The following DISC1 variants were observed in gnomAD, a reference collection of about 807,000 sequenced individuals.
DISC1 encodes DISC1 scaffold protein.
In DISC1, 57 loss-of-function variants were observed where a neutral mutation model predicts 84.5. The ratio of observed to expected loss-of-function variants is 0.67; its 90% CI spans 0.55 to 0.84. The LOEUF (loss-of-function observed/expected upper bound fraction) is 0.84. Among genes scored for constraint, DISC1 ranks in the 40% least tolerant of loss-of-function variants. DISC1 has a pLI of 0.00. For synonymous variants in DISC1, 411 were observed against 415.2 expected, an observed-to-expected ratio of 0.99 and a Z score of 0.12; for missense variants, 1,000 against 1,057.8, an observed-to-expected ratio of 0.95 and a Z score of 0.76.
chr1:231,932,745 C>T (rs541226595), intron 9 of DISC1, among the ~76,000 whole-genome samples: 3 of 152,148 alleles, frequency 2.0e-5, no homozygotes, highest in Non-Finnish European at 4.4e-5. Context: ...CTCTTCTAAG[C>T]TCAGTGGGTG....
chr1:232,014,190 G>T (rs920926380), intron 11 of DISC1, among the ~76,000 whole-genome samples: 1 of 152,142 alleles, frequency 6.6e-6, no homozygotes, highest in Non-Finnish European at 1.5e-5. Flanking sequence ...GGGCAAAAGT[G>T]CTTCCTCTTC....
At chr1:231,883,444 GA>G (rs765648840) in intron 9 of DISC1, among the ~76,000 whole-genome samples, 4 of 152,134 alleles carry the variant, frequency 2.6e-5, no homozygotes, top group Non-Finnish European at 5.9e-5. Flanking sequence ...AGGGACTTGT[GA>G]TGAGGTTGGT....
At chr1:231,658,379 C>A (rs1360927944) in intron 1 of DISC1, among the ~76,000 whole-genome samples, 1 of 152,158 alleles carries the variant, frequency 6.6e-6, no homozygotes, top group Non-Finnish European at 1.5e-5. Context: ...AGCTTTTGGG[C>A]TGAGATGATG....
intron 3 of DISC1, among the ~76,000 whole-genome samples, chr1:231,715,065 C>G (rs2068500138): frequency 6.6e-6 from 1 of 152,174 alleles, no homozygotes; most frequent in African/African-American, 2.4e-5. Context: ...CCTCTTGGAT[C>G]CAGTATGAAA....
chr1:231,740,872 A>G (rs1558459975), intron 3 of DISC1, among the ~76,000 whole-genome samples: 1 of 152,216 alleles, frequency 6.6e-6, no homozygotes, highest in East Asian at 1.9e-4. Flanking sequence ...TCAGATGTGC[A>G]GTTTTCTACT....
At chr1:231,775,619 C>G (rs987302022) in intron 6 of DISC1, among the ~76,000 whole-genome samples, 1 of 152,096 alleles carries the variant, frequency 6.6e-6, no homozygotes, top group Non-Finnish European at 1.5e-5. Context: ...AAAGGAGAAC[C>G]CTTTTTAAGC....
chr1:231,875,390 A>G (rs938924311), intron 9 of DISC1, among the ~76,000 whole-genome samples: 3 of 152,134 alleles, frequency 2.0e-5, no homozygotes, highest in African/African-American at 7.2e-5. Context: ...TTAGACAGCC[A>G]GGGGCTCCTC....
At position 231,784,386 on chromosome 1, in the gene DISC1, G is replaced by A. The variant is rs545107636; in HGVS notation, c.1635-10856G>A. On this transcript the variant is annotated intron_variant, in intron 6 of 12. Coordinates refer to ENST00000439617, the MANE Select transcript of DISC1 (RefSeq NM_018662.3). ...TCCTAGTGGAAGACACAGTATCCTTGAAATTCAGAGAAATAGGGAGAATGT... is the reference window on the plus strand; with the variant it reads ...TCCTAGTGGAAGACACAGTATCCTTAAAATTCAGAGAAATAGGGAGAATGT... Among the ~76,000 whole-genome samples the A allele has an allele frequency of 7.2e-5, 11 of 152,288 alleles. No individual in the cohort carries two copies. In the South Asian group the frequency reaches 1.7e-3, roughly 23 times the overall value.
chr1:231,979,156 C>T lies in DISC1; in HGVS notation c.2042+20268C>T, dbSNP rs564876660. ...TGCCTGACGATCTGTCACTGTCTCC[C>T]ATCACCCCCAGATGGGACCATCTAG... On this transcript the variant is annotated intron_variant, in intron 10 of 12. Coordinates refer to ENST00000439617, the MANE Select transcript of DISC1 (RefSeq NM_018662.3). 4.6e-5 allele frequency among the ~76,000 whole-genome samples: 7 copies of T among 152,010 alleles called. No individual in the cohort carries two copies. The South Asian group carries it at 1.5e-3, about 32-fold the overall frequency.
At chr1:231,804,333 T>C (rs796176425) in intron 8 of DISC1, among the ~76,000 whole-genome samples, 7 of 152,262 alleles carry the variant, frequency 4.6e-5, no homozygotes, top group African/African-American at 1.7e-4. Flanking sequence ...AGAGAGCTTT[T>C]CAGTCAGAGG....
intron 10 of DISC1, among the ~76,000 whole-genome samples, chr1:231,997,624 A>G (rs531200557): frequency 7.2e-5 from 11 of 152,076 alleles, no homozygotes; most frequent in Non-Finnish European, 1.3e-4. Flanking sequence ...GCAGAGGAGC[A>G]CTGCCTGGGA....
chr1:231,818,651 G>C, intron 9 of DISC1, 134 bp downstream of exon 9: 4 of 1,457,288 alleles, frequency 2.7e-6, no homozygotes, highest in Non-Finnish European at 3.6e-6. Flanking sequence ...CTTTTCCTTG[G>C]GGACATTTTT....
intron 9 of DISC1, among the ~76,000 whole-genome samples, chr1:231,956,212 G>T (rs1361154904): frequency 6.6e-6 from 1 of 152,192 alleles, no homozygotes. Context: ...TTTCTACACA[G>T]CTGTCCATTT....
intron 6 of DISC1, among the ~76,000 whole-genome samples, chr1:231,784,888 G>C (rs1222898335): frequency 6.6e-6 from 1 of 152,168 alleles, no homozygotes; most frequent in Non-Finnish European, 1.5e-5. Context: ...CAGAAGTAAA[G>C]GTCTCAGATA....
intron 9 of DISC1, among the ~76,000 whole-genome samples, chr1:231,849,270 G>A (rs12751905): frequency 0.018 from 2,717 of 152,094 alleles, 34 homozygotes; most frequent in Non-Finnish European, 0.029. Context: ...ATAGGGATGC[G>A]CCACCACGCT....
At chr1:231,948,250 A>G (rs967943299) in intron 9 of DISC1, among the ~76,000 whole-genome samples, 15 of 152,196 alleles carry the variant, frequency 9.9e-5, no homozygotes, top group African/African-American at 3.4e-4. Context: ...TGTGGCACAT[A>G]TACACCATGG....
intron 9 of DISC1, among the ~76,000 whole-genome samples, chr1:231,849,031 T>G (rs1230208320): frequency 6.6e-6 from 1 of 152,208 alleles, no homozygotes; most frequent in Admixed American, 6.5e-5. Flanking sequence ...CAGGAGATAT[T>G]ATTTGTTGAA....
intron 10 of DISC1, among the ~76,000 whole-genome samples, chr1:231,977,355 C>T (rs749062542): frequency 1.3e-5 from 2 of 152,222 alleles, no homozygotes; most frequent in Non-Finnish European, 2.9e-5. Context: ...GGCTGGTTCT[C>T]TCTGAAGGCT....
At chr1:231,886,652 A>G (rs1416508922) in intron 9 of DISC1, among the ~76,000 whole-genome samples, 4 of 152,182 alleles carry the variant, frequency 2.6e-5, no homozygotes, top group East Asian at 1.9e-4. Context: ...TGAAATACTC[A>G]GCGCTCAACT....
Sources: gnomAD v4.1 joint callset for allele counts (sites outside exome capture counted in the v4.1 genomes callset) on GRCh38, gnomAD v4.1.1 for gene constraint, MANE v1.5 for transcripts, NCBI Gene and HGNC (gene_info 2026-07-23, HGNC 2026-07-21) for gene names.